The following BTBD9 variants were observed in gnomAD, a reference collection of about 807,000 sequenced individuals.
BTBD9 encodes BTB/POZ domain-containing protein 9.
BTBD9 carries 49 observed loss-of-function variants against 64.3 expected under a neutral mutation model. That is an observed-to-expected ratio of 0.76 (90% confidence interval 0.61 to 0.97). BTBD9 has a LOEUF of 0.97. Ranked by LOEUF, BTBD9 falls within the 50% of genes least tolerant of loss-of-function variation. The pLI is 0.00. For synonymous variants in BTBD9, 260 were observed against 274.7 expected, an observed-to-expected ratio of 0.95 and a Z score of 0.53; for missense variants, 598 against 762.1, an observed-to-expected ratio of 0.78 and a Z score of 2.53.
intron 6 of BTBD9, among the ~76,000 whole-genome samples, chr6:38,431,064 G>A (rs1321699141): frequency 6.6e-6 from 1 of 151,826 alleles, no homozygotes; most frequent in East Asian, 1.9e-4. Context: ...ACCTCCAAAG[G>A]TGAAGGGCCC....
At chr6:38,600,726 T>G (rs1394152574) in intron 1 of BTBD9, among the ~76,000 whole-genome samples, 1 of 152,188 alleles carries the variant, frequency 6.6e-6, no homozygotes, top group African/African-American at 2.4e-5. Flanking sequence ...TGACTCTTGA[T>G]GAACAACGAT....
chr6:38,325,075 C>T (rs960966876), intron 7 of BTBD9, among the ~76,000 whole-genome samples: 1 of 152,076 alleles, frequency 6.6e-6, no homozygotes, highest in Non-Finnish European at 1.5e-5. Context: ...TATGATGGAA[C>T]ATTAAGTAAC....
At chr6:38,439,436 T>C (rs570291613) in intron 6 of BTBD9, among the ~76,000 whole-genome samples, 3 of 150,684 alleles carry the variant, frequency 2.0e-5, no homozygotes, top group Non-Finnish European at 4.4e-5. Flanking sequence ...CCTGTTTTTT[T>C]GTTTGTTTTT....
chr6:38,479,954 C>T (rs1771060459), intron 6 of BTBD9, among the ~76,000 whole-genome samples: 1 of 152,110 alleles, frequency 6.6e-6, no homozygotes, highest in Admixed American at 6.5e-5. Context: ...GTCTGGAACT[C>T]CTGGGCTCAA....
At chr6:38,334,295 C>G (rs1305424122) in intron 7 of BTBD9, among the ~76,000 whole-genome samples, 3 of 152,194 alleles carry the variant, frequency 2.0e-5, no homozygotes, top group African/African-American at 7.2e-5. Flanking sequence ...GGCATGGTGG[C>G]TCATGCCTGT....
chr6:38,299,970 C>T lies in BTBD9; in HGVS notation c.1265-11509G>A, dbSNP rs531723009. Among the ~76,000 whole-genome samples, 852 of 152,274 alleles carry T rather than the reference C, an allele frequency of 5.6e-3. 12 individuals are homozygous for T. The highest frequency in any genetic ancestry group is 0.019 in the African/African-American group (789 of 41,536). Reference sequence around the variant, plus strand: ...TGAATGGTATTGCCTAGGTTTTCTTCTAGGGTTTTTATGATTTTAGGTCTA... The same window carrying T: ...TGAATGGTATTGCCTAGGTTTTCTTTTAGGGTTTTTATGATTTTAGGTCTA... On this transcript the variant is annotated intron_variant, in intron 7 of 10. Transcript: ENST00000481247.
chr6:38,247,768 G>C (rs1387252129), intron 9 of BTBD9, among the ~76,000 whole-genome samples: 1 of 152,210 alleles, frequency 6.6e-6, no homozygotes, highest in East Asian at 1.9e-4. Flanking sequence ...TTGTGCTTGG[G>C]CTAAATGGCA....
chr6:38,212,873 T>G (rs970680676), intron 9 of BTBD9, among the ~76,000 whole-genome samples: 3 of 152,148 alleles, frequency 2.0e-5, no homozygotes, highest in East Asian at 1.9e-4. Flanking sequence ...GCGCATTCCC[T>G]CCCAGAAGCA....
At position 38,193,229 on chromosome 6, in the gene BTBD9, G is replaced by A. The variant is rs1001313408; in HGVS notation, c.1563-632C>T. On this transcript the variant is annotated intron_variant, in intron 9 of 10. Transcript: ENST00000481247. ...CTGAGCGGGAGCAGCTACTCAGCTC[G>A]GCAGGCTTCTGGGAGGAGGAGAGTT... Among the ~76,000 whole-genome samples the A allele has an allele frequency of 3.9e-5, 6 of 152,252 alleles. No individual in the cohort carries two copies. In the East Asian group the frequency reaches 5.8e-4, roughly 15 times the overall value.
At chr6:38,177,645 G>C (rs1761335636) in intron 10 of BTBD9, among the ~76,000 whole-genome samples, 1 of 152,356 alleles carries the variant, frequency 6.6e-6, no homozygotes, top group African/African-American at 2.4e-5. Flanking sequence ...AGCCTGGGAA[G>C]AGATGCTGTC....
chr6:38,491,875 T>C (rs913438852), intron 6 of BTBD9, among the ~76,000 whole-genome samples: 14 of 152,212 alleles, frequency 9.2e-5, no homozygotes, highest in African/African-American at 3.4e-4. Context: ...ATGGCTCATC[T>C]GTTCACTTCC....
chr6:38,550,488 T>C (rs943198772), intron 6 of BTBD9, among the ~76,000 whole-genome samples: 6 of 152,020 alleles, frequency 3.9e-5, no homozygotes, highest in Non-Finnish European at 8.8e-5. Flanking sequence ...GGCTAATTTT[T>C]TGTATTTTTA....
intron 10 of BTBD9, among the ~76,000 whole-genome samples, chr6:38,187,530 T>G (rs1362848200): frequency 6.6e-6 from 1 of 151,536 alleles, no homozygotes; most frequent in Non-Finnish European, 1.5e-5. Context: ...GGGGAAGCGT[T>G]TGAGGGTAAA....
At chr6:38,637,464 G>A (rs1656668265) in intron 1 of BTBD9, among the ~76,000 whole-genome samples, 1 of 152,178 alleles carries the variant, frequency 6.6e-6, no homozygotes, top group Admixed American at 6.5e-5. Context: ...TTCAGCAGCA[G>A]GGTCTTTAAT....
At chr6:38,344,619 A>G (rs1764212671) in intron 7 of BTBD9, among the ~76,000 whole-genome samples, 1 of 152,216 alleles carries the variant, frequency 6.6e-6, no homozygotes, top group African/African-American at 2.4e-5. Flanking sequence ...AGCCATGGAA[A>G]GTCTGAACAT....
chr6:38,543,141 G>C (rs1774362885), intron 6 of BTBD9, among the ~76,000 whole-genome samples: 1 of 152,044 alleles, frequency 6.6e-6, no homozygotes, highest in South Asian at 2.1e-4. Flanking sequence ...ATCTACAAAG[G>C]CTCTTCGCAC....
chr6:38,549,923 T>G (rs902353276), intron 6 of BTBD9, among the ~76,000 whole-genome samples: 3 of 152,082 alleles, frequency 2.0e-5, no homozygotes, highest in African/African-American at 7.2e-5. Context: ...AGTTGATCAC[T>G]CCATCCTCTG....
At chr6:38,618,004 G>A (rs1190367685) in intron 1 of BTBD9, among the ~76,000 whole-genome samples, 1 of 152,162 alleles carries the variant, frequency 6.6e-6, no homozygotes, top group Non-Finnish European at 1.5e-5. Flanking sequence ...CCTCTTTGTG[G>A]TCTAGGAGGA....
chr6:38,389,345 A>C lies in BTBD9; in HGVS notation c.1155-44252T>G, dbSNP rs189402805. Among the ~76,000 whole-genome samples the C allele has an allele frequency of 4.6e-5, 7 of 152,342 alleles. No homozygotes were observed. The East Asian group carries it at 1.3e-3, about 29-fold the overall frequency. On this transcript the variant is annotated intron_variant, in intron 6 of 10. Transcript: ENST00000481247. ...TAATGATACATTACTGCATCAAAAA[A>C]ACAGGCAAATGCAATACTTTCTTCT...
Sources: gnomAD v4.1 joint callset for allele counts (sites outside exome capture counted in the v4.1 genomes callset) on GRCh38, gnomAD v4.1.1 for gene constraint, MANE v1.5 for transcripts, NCBI Gene and HGNC (gene_info 2026-07-23, HGNC 2026-07-21) for gene names.